BABAM2: variants seen among roughly 807,000 people sequenced by gnomAD.
The protein encoded by BABAM2 is BRISC and BRCA1-A complex member 2.
BABAM2 carries 31 observed loss-of-function variants against 54.7 expected under a neutral mutation model. The observed-to-expected ratio is 0.57, with a 90% confidence interval of 0.43 to 0.77. The LOEUF is 0.77. Among genes scored for constraint, BABAM2 ranks in the 30% least tolerant of loss-of-function variants. The pLI, the probability that BABAM2 is intolerant of heterozygous loss-of-function variation, is 0.00. For missense variants in BABAM2, 364 were observed against 455.8 expected (o/e 0.80, Z 1.83); for synonymous variants, 167 against 162.9 (o/e 1.03, Z -0.19).
intron 7 of BABAM2, among the ~76,000 whole-genome samples, chr2:28,167,063 G>A (rs913855149): frequency 6.6e-6 from 1 of 152,204 alleles, no homozygotes; most frequent in African/African-American, 2.4e-5. Context: ...AGAGAAAAAG[G>A]TTCTTGATTG....
chr2:27,890,347 G>A (rs374249982), upstream of BABAM2: 2 of 1,612,524 alleles, frequency 1.2e-6, no homozygotes, highest in Non-Finnish European at 8.5e-7. This position sits in a 1 kb window ranked among gnomAD's most constrained non-coding sequence, Gnocchi z 4.8. Flanking sequence ...CGCCGCCATC[G>A]CTCAAAGGTG....
At chr2:28,201,809 A>G (rs62139105) in intron 7 of BABAM2, among the ~76,000 whole-genome samples, 3,148 of 152,288 alleles carry the variant, frequency 0.021, 45 homozygotes, top group Middle Eastern at 0.044. Flanking sequence ...GTGCATCAGC[A>G]GGAACAGGTT....
chr2:28,161,534 T>C (rs1673094131), intron 7 of BABAM2, among the ~76,000 whole-genome samples: 1 of 152,160 alleles, frequency 6.6e-6, no homozygotes, highest in Non-Finnish European at 1.5e-5. Flanking sequence ...TCAAAGACCC[T>C]TCTTCCTTTT....
intron 7 of BABAM2, among the ~76,000 whole-genome samples, chr2:28,208,076 C>T (rs1357910089): frequency 2.6e-5 from 4 of 151,824 alleles, no homozygotes; most frequent in South Asian, 4.2e-4. Context: ...TACACATGCG[C>T]ACACACTTTT....
intron 4 of BABAM2, among the ~76,000 whole-genome samples, chr2:27,998,249 T>G (rs1673317118): frequency 6.6e-6 from 1 of 152,114 alleles, no homozygotes; most frequent in Non-Finnish European, 1.5e-5. Flanking sequence ...ATCCGCTCTT[T>G]GTCGCCTCCT....
chr2:27,970,879 G>C (rs1671161232), intron 3 of BABAM2, among the ~76,000 whole-genome samples: 1 of 152,010 alleles, frequency 6.6e-6, no homozygotes, highest in Admixed American at 6.6e-5. Flanking sequence ...TGAAGAGTCT[G>C]GGGCTGTTGT....
intron 7 of BABAM2, among the ~76,000 whole-genome samples, chr2:28,222,312 A>T (rs770693279): frequency 3.9e-5 from 6 of 152,310 alleles, no homozygotes; most frequent in Middle Eastern, 3.4e-3. Context: ...AGAATTCAAG[A>T]TAATCTCCTC....
At chr2:28,128,867 TG>T (rs1173057263) in intron 6 of BABAM2, among the ~76,000 whole-genome samples, 1 of 150,824 alleles carries the variant, frequency 6.6e-6, no homozygotes, top group East Asian at 2.0e-4. Flanking sequence ...TACAACATAC[TG>T]TCAAGGTAGG....
chr2:28,204,652 T>A (rs1226758007), intron 7 of BABAM2, among the ~76,000 whole-genome samples: 4 of 152,236 alleles, frequency 2.6e-5, no homozygotes, highest in Non-Finnish European at 5.9e-5. Context: ...TATAAATGTC[T>A]TGTGTTACCA....
chr2:28,170,748 A>T (rs1216338321), intron 7 of BABAM2, among the ~76,000 whole-genome samples: 2 of 152,182 alleles, frequency 1.3e-5, no homozygotes, highest in Non-Finnish European at 2.9e-5. Context: ...GTATTTTGTC[A>T]TTCTAAGAGA....
chr2:28,269,572 C>T (rs765579056), intron 10 of BABAM2, among the ~76,000 whole-genome samples: 6 of 152,198 alleles, frequency 3.9e-5, no homozygotes, highest in Non-Finnish European at 7.3e-5. Flanking sequence ...AAAATGTTCC[C>T]TTCTCATACA....
chr2:28,136,690 A>C (rs1200093830), intron 7 of BABAM2, among the ~76,000 whole-genome samples: 1 of 152,058 alleles, frequency 6.6e-6, no homozygotes, highest in Non-Finnish European at 1.5e-5. Flanking sequence ...TCTGTGACCT[A>C]TGTGACCTAA....
At chr2:28,139,194 G>A (rs1472104636) in intron 7 of BABAM2, among the ~76,000 whole-genome samples, 1 of 151,832 alleles carries the variant, frequency 6.6e-6, no homozygotes, top group Non-Finnish European at 1.5e-5. Context: ...CTAGGAGTCC[G>A]AGGCAGGGGG....
At chr2:27,921,296 A>G (rs1399975000) in intron 2 of BABAM2, among the ~76,000 whole-genome samples, 3 of 152,152 alleles carry the variant, frequency 2.0e-5, no homozygotes, top group Non-Finnish European at 4.4e-5. Context: ...GAACGCATGT[A>G]ATAGAACTTC....
At chr2:28,290,691 T>C (rs900426117) in intron 10 of BABAM2, among the ~76,000 whole-genome samples, 1 of 152,228 alleles carries the variant, frequency 6.6e-6, no homozygotes, top group African/African-American at 2.4e-5. Flanking sequence ...TTAAAATCAC[T>C]TGAGGTGCAT....
intron 6 of BABAM2, among the ~76,000 whole-genome samples, chr2:28,074,753 T>TC (rs1664499087): frequency 6.6e-6 from 1 of 152,108 alleles, no homozygotes; most frequent in African/African-American, 2.4e-5. Flanking sequence ...GACAGAATGG[T>TC]CAGCCAAGCT....
chr2:28,223,505 T>G (rs1680597516), intron 7 of BABAM2, among the ~76,000 whole-genome samples: 1 of 152,224 alleles, frequency 6.6e-6, no homozygotes, highest in South Asian at 2.1e-4. Context: ...TTAAACTGGC[T>G]CTGCCCTTCT....
At chr2:28,122,058 C>CA (rs1183680944) in intron 6 of BABAM2, among the ~76,000 whole-genome samples, 3 of 151,712 alleles carry the variant, frequency 2.0e-5, no homozygotes, top group East Asian at 1.9e-4. Flanking sequence ...ACTAAATATA[C>CA]AAAAAAAATT....
chr2:28,148,192 TGCTCAGTCTG>T (rs1420531193), intron 7 of BABAM2, among the ~76,000 whole-genome samples: 22 of 152,334 alleles, frequency 1.4e-4, no homozygotes, highest in African/African-American at 5.1e-4. Context: ...AGTATCGCAT[TGCTCAGTCTG>T]GCACACTTTA....
Sources: gnomAD v4.1 joint callset for allele counts (sites outside exome capture counted in the v4.1 genomes callset) on GRCh38, gnomAD v4.1.1 for gene constraint, Gnocchi (gnomAD v3.1) non-coding constraint, MANE v1.5 for transcripts, NCBI Gene and HGNC (gene_info 2026-07-23, HGNC 2026-07-21) for gene names.